The following ZNF331 variants were observed in gnomAD, a reference collection of about 807,000 sequenced individuals.
ZNF331 encodes zinc finger protein 331.
Under a neutral mutation model 7.0 loss-of-function variants are expected in ZNF331, and 2 were observed. The ratio of observed to expected loss-of-function variants is 0.29; its 90% CI spans 0.12 to 0.90. The LOEUF is 0.90. Among genes scored for constraint, ZNF331 ranks in the 40% least tolerant of loss-of-function variants. The pLI is 0.58. For synonymous variants in ZNF331, 196 were observed against 205.4 expected, an observed-to-expected ratio of 0.95 and a Z score of 0.39; for missense variants, 432 against 587.7, an observed-to-expected ratio of 0.74 and a Z score of 2.74.
chr19:53,519,552 C>T (rs1284914486), upstream of ZNF331, among the ~76,000 whole-genome samples: 1 of 152,228 alleles, frequency 6.6e-6, no homozygotes, highest in African/African-American at 2.4e-5. Context: ...TGAGATCCCA[C>T]CGGAAAAAGG....
rs1240045754 is a variant in ZNF331, at chr19:53,558,563, C to T, written c.-74+2655C>T. Reference sequence around the variant, plus strand: ...TGATTGAGTGGGGAAACTCAAGGCCCGTCTGTTCAGATTCTTCTTGGCCTC... The same window carrying T: ...TGATTGAGTGGGGAAACTCAAGGCCTGTCTGTTCAGATTCTTCTTGGCCTC... On this transcript the variant is annotated intron_variant, in intron 3 of 5. Coordinates refer to ENST00000449416, the MANE Select transcript of ZNF331 (RefSeq NM_001079906.2). The surrounding 1 kb of genome is among the most constrained non-coding windows in gnomAD (Gnocchi z 4.5). 2.0e-5 allele frequency among the ~76,000 whole-genome samples: 3 copies of T among 152,128 alleles called. No homozygotes were observed. The highest frequency in any genetic ancestry group is 7.2e-5 in the African/African-American group (3 of 41,458).
the ZNF331 span, among the ~76,000 whole-genome samples, chr19:53,506,795 G>C: frequency 1.2e-4 from 19 of 152,066 alleles, no homozygotes; most frequent in African/African-American, 3.6e-4. Context: ...TTTGGGCTTC[G>C]TGTCCCTATG....
At chr19:53,561,334 CAAA>C (rs59551370) in intron 3 of ZNF331, among the ~76,000 whole-genome samples, 81 of 104,888 alleles carry the variant, frequency 7.7e-4, no homozygotes, top group African/African-American at 1.9e-3. Context: ...GCCTGCTGGC[CAAA>C]AAAAAAAAAA....
At chr19:53,534,530 G>A (rs918091885), upstream of ZNF331, among the ~76,000 whole-genome samples, 3 of 151,952 alleles carry the variant, frequency 2.0e-5, no homozygotes, top group Admixed American at 6.6e-5. Flanking sequence ...CAAGTGATCC[G>A]CCCACCTCGG....
At chr19:53,520,248 T>C (rs975751130), upstream of ZNF331, among the ~76,000 whole-genome samples, 1 of 152,002 alleles carries the variant, frequency 6.6e-6, no homozygotes, top group Non-Finnish European at 1.5e-5. Context: ...GGTTTCACCA[T>C]GTTGGGCAGG....
chr19:53,524,619 T>C (rs1324739382), intron 2 of ZNF331, among the ~76,000 whole-genome samples: 1 of 152,202 alleles, frequency 6.6e-6, no homozygotes, highest in Non-Finnish European at 1.5e-5. Flanking sequence ...TTTTTTGTTT[T>C]TTTCTTGTAA....
intron 5 of ZNF331, among the ~76,000 whole-genome samples, chr19:53,575,748 A>G (rs2090689185): frequency 1.5e-5 from 2 of 133,954 alleles, no homozygotes; most frequent in South Asian, 2.4e-4. Flanking sequence ...CAGTGGCACA[A>G]TCTCGGCTCA....
At chr19:53,556,248 A>C (rs1274898433) in intron 3 of ZNF331, among the ~76,000 whole-genome samples, 2 of 151,128 alleles carry the variant, frequency 1.3e-5, no homozygotes, top group Admixed American at 6.6e-5. Flanking sequence ...ATCTCAAAAA[A>C]AAAAAAAAAA....
intron 2 of ZNF331, among the ~76,000 whole-genome samples, chr19:53,546,139 G>GAA (rs1568486069): frequency 6.7e-5 from 2 of 29,834 alleles, no homozygotes; most frequent in East Asian, 1.1e-3. Context: ...ATCCTGAGGG[G>GAA]GAAAAAAAAA....
At chr19:53,523,539 A>G (rs895194152) in intron 2 of ZNF331, 2 of 151,444 alleles carry the variant, frequency 1.3e-5, no homozygotes, top group African/African-American at 2.4e-5. Flanking sequence ...TTTTTAATCA[A>G]ATTTTTTTTT....
chr19:53,576,313 A>G (rs1377014288), intron 5 of ZNF331, among the ~76,000 whole-genome samples: 1 of 152,192 alleles, frequency 6.6e-6, no homozygotes, highest in Non-Finnish European at 1.5e-5. Context: ...TAATAATACT[A>G]CTGACATATA....
At chr19:53,550,274 A>G (rs1195603873) in intron 2 of ZNF331, among the ~76,000 whole-genome samples, 1 of 152,158 alleles carries the variant, frequency 6.6e-6, no homozygotes, top group African/African-American at 2.4e-5. Flanking sequence ...TTCAGGTCCA[A>G]TGTTTACTTG....
rs549385582 is a variant in ZNF331, at chr19:53,539,689, A to T, written c.-138+407A>T. Among the ~76,000 whole-genome samples the T allele has an allele frequency of 6.6e-6, 1 of 152,242 alleles. No individual in the cohort carries two copies. The highest frequency in any genetic ancestry group is 2.4e-5 in the African/African-American group (1 of 41,536). ...ATTCTGTGTATATTTACTGTATGTG[A>T]TTATCAGTGTTAGTGTATCTGTCCC... On this transcript the variant is annotated intron_variant, in intron 2 of 5. Transcript: ENST00000449416. This position sits in a 1 kb window ranked among gnomAD's most constrained non-coding sequence, Gnocchi z 6.1.
chr19:53,558,606 C>G lies in ZNF331; in HGVS notation c.-74+2698C>G, dbSNP rs2089582496. On this transcript the variant is annotated intron_variant, in intron 3 of 5. Transcript: ENST00000449416. This position sits in a 1 kb window ranked among gnomAD's most constrained non-coding sequence, Gnocchi z 4.5. ...TTGGCCTCTCAGTGCAGCATTCCTTCCTACAGGTACAGGGCAGGACCCTCT... is the reference window on the plus strand; with the variant it reads ...TTGGCCTCTCAGTGCAGCATTCCTTGCTACAGGTACAGGGCAGGACCCTCT... Among the ~76,000 whole-genome samples the G allele has an allele frequency of 6.6e-6, 1 of 152,050 alleles. No homozygotes were observed. Among genetic ancestry groups the G allele is most frequent in the Admixed American group, 6.6e-5 (1 of 15,262 alleles).
intron 2 of ZNF331, among the ~76,000 whole-genome samples, chr19:53,552,845 C>T (rs930663252): frequency 2.0e-5 from 3 of 151,970 alleles, no homozygotes; most frequent in South Asian, 2.1e-4. Context: ...TACATATTGC[C>T]GTATGTATTA....
At chr19:53,574,924 AT>A (rs200081231) in intron 5 of ZNF331, among the ~76,000 whole-genome samples, 2,752 of 133,418 alleles carry the variant, frequency 0.021, 101 homozygotes, top group African/African-American at 0.071. Context: ...TTTATGTTGT[AT>A]TTTTTTCTTT....
rs577756382 is a variant in ZNF331, at chr19:53,558,292, T to G, written c.-74+2384T>G. Among the ~76,000 whole-genome samples the G allele has an allele frequency of 2.0e-5, 3 of 152,254 alleles. No homozygotes were observed. In the East Asian group the frequency reaches 5.8e-4, roughly 29 times the overall value. On this transcript the variant is annotated intron_variant, in intron 3 of 5. Coordinates refer to ENST00000449416, the MANE Select transcript of ZNF331 (RefSeq NM_001079906.2). This position sits in a 1 kb window ranked among gnomAD's most constrained non-coding sequence, Gnocchi z 4.5. Reference sequence around the variant, plus strand: ...ACTAATGAACAGCCAGATGAAGAGATATGTAGGACTAGGGTTGGAAGAGTC... The same window carrying G: ...ACTAATGAACAGCCAGATGAAGAGAGATGTAGGACTAGGGTTGGAAGAGTC...
intron 3 of ZNF331, among the ~76,000 whole-genome samples, chr19:53,563,082 C>A (rs1027993768): frequency 9.3e-5 from 14 of 150,674 alleles, no homozygotes; most frequent in Non-Finnish European, 1.9e-4. Context: ...GGCTGGATTC[C>A]ACACCCCCCC....
intron 5 of ZNF331, among the ~76,000 whole-genome samples, chr19:53,576,237 G>A (rs1238788262): frequency 6.6e-6 from 1 of 152,144 alleles, no homozygotes; most frequent in East Asian, 1.9e-4. Flanking sequence ...GCCTGCCTTG[G>A]CCTCCCAAAG....
Sources: allele counts gnomAD v4.1 joint callset (sites outside exome capture counted in the v4.1 genomes callset), GRCh38; gene constraint gnomAD v4.1.1; non-coding constraint Gnocchi (gnomAD v3.1); transcripts MANE v1.5; gene names NCBI Gene and HGNC (gene_info 2026-07-23, HGNC 2026-07-21).